PPP6C: variants seen among roughly 807,000 people sequenced by gnomAD.
The protein encoded by PPP6C is protein phosphatase 6 catalytic subunit.
A neutral mutation model predicts 39.8 loss-of-function variants in PPP6C; 11 were observed. The ratio of observed to expected loss-of-function variants is 0.28; its 90% CI spans 0.17 to 0.46. The LOEUF is 0.46. PPP6C is among the 20% of genes least tolerant of loss of function. The probability of loss-of-function intolerance (pLI) is 1.00; values close to 1 mark genes in which losing one functional copy is unlikely to be tolerated. For missense variants in PPP6C, 211 were observed against 373.9 expected (o/e 0.56, Z 3.59); for synonymous variants, 129 against 130.3 (o/e 0.99, Z 0.07).
rs1461320712 is a variant in PPP6C, at chr9:125,147,544, A to C, written c.*2129T>G. 6.6e-6 allele frequency: 1 copy of C among 152,216 alleles called. No homozygotes were observed. Among genetic ancestry groups the C allele is most frequent in the Non-Finnish European group, 1.5e-5 (1 of 68,012 alleles). The allele number at this position is 152,216 out of a possible 1,614,324, so 9.4% of individuals were successfully genotyped here. On this transcript the variant is annotated 3_prime_UTR_variant, in exon 7 of 7. Coordinates refer to ENST00000373547, the MANE Select transcript of PPP6C (RefSeq NM_002721.5). ...TAAAAACTATTTTTTCCATGCAAAA[A>C]GCCATTATTCAGTTGAAGAGAAATC...
chr9:125,156,342 C>T (rs1402351988), intron 4 of PPP6C, among the ~76,000 whole-genome samples: 6 of 152,034 alleles, frequency 3.9e-5, no homozygotes, highest in Non-Finnish European at 7.4e-5. Context: ...GGTGCAATCT[C>T]GGCTCACTGC....
chr9:125,158,113 G>C, intron 4 of PPP6C, 128 bp downstream of exon 4: 1 of 930,676 alleles, frequency 1.1e-6, no homozygotes, highest in Admixed American at 2.5e-5. Flanking sequence ...TCAATTGTTT[G>C]GGAGGAGTGA....
intron 2 of PPP6C, among the ~76,000 whole-genome samples, chr9:125,166,901 T>C (rs1465201603): frequency 6.6e-6 from 1 of 151,722 alleles, no homozygotes. Context: ...TCACACAGAC[T>C]TTTTTCTTTT....
intron 2 of PPP6C, among the ~76,000 whole-genome samples, chr9:125,161,290 A>C (rs1408626254): frequency 1.3e-5 from 2 of 152,130 alleles, no homozygotes; most frequent in African/African-American, 2.4e-5. Flanking sequence ...ACAAGTGGAT[A>C]CCTCTTTTTC....
At chr9:125,183,302 A>G (rs950590705) in intron 1 of PPP6C, among the ~76,000 whole-genome samples, 33 of 152,192 alleles carry the variant, frequency 2.2e-4, no homozygotes, top group African/African-American at 7.7e-4. Flanking sequence ...AACATTTCAA[A>G]AGCCTACTGT....
intron 1 of PPP6C, among the ~76,000 whole-genome samples, chr9:125,182,742 T>G (rs1161261448): frequency 6.7e-6 from 1 of 148,282 alleles, no homozygotes; most frequent in Non-Finnish European, 1.5e-5. Context: ...ATCTCCGACA[T>G]CTACGCCTAC....
In PPP6C at chr9:125,158,299, A is replaced by C; in HGVS notation, c.321T>G (p.Ile107Met). ...TCTCATGATTTCCTCGCAAAAGTGT[A>C]ATACGATCAGGCCATTTAGCCTTTA... Reference protein sequence around the residue: ...LALKAKWPDRITLLRGNHESR... With the variant: ...LALKAKWPDRMTLLRGNHESR... The change falls in exon 4 of 7, where the codon ATT (isoleucine) becomes ATG (methionine). Residue 107 changes from isoleucine (I) to methionine (M), a missense_variant. Ile to Met is a conservative substitution (Grantham distance 10). Transcript: ENST00000373547. 2 of 1,611,814 alleles carry C rather than the reference A, an allele frequency of 1.2e-6. No homozygotes were observed. Among genetic ancestry groups the C allele is most frequent in the Non-Finnish European group, 1.7e-6 (2 of 1,177,902 alleles).
intron 2 of PPP6C, among the ~76,000 whole-genome samples, chr9:125,165,592 T>C (rs180750354): frequency 1.3e-4 from 20 of 152,194 alleles, no homozygotes; most frequent in African/African-American, 4.3e-4. Flanking sequence ...ACTCAGTCTG[T>C]TGGGAATATA....
chr9:125,182,802 C>T (rs1829445960), intron 1 of PPP6C, among the ~76,000 whole-genome samples: 1 of 149,988 alleles, frequency 6.7e-6, no homozygotes. Context: ...GCTGTGACAA[C>T]CAAAAATGTC....
intron 1 of PPP6C, among the ~76,000 whole-genome samples, chr9:125,176,809 A>C (rs1296323221): frequency 6.6e-6 from 1 of 152,180 alleles, no homozygotes; most frequent in African/African-American, 2.4e-5. Context: ...GGGTAGTAGA[A>C]GTAGAAAATA....
intron 2 of PPP6C, among the ~76,000 whole-genome samples, chr9:125,164,716 T>A (rs1828975262): frequency 6.6e-6 from 1 of 151,952 alleles, no homozygotes; most frequent in Non-Finnish European, 1.5e-5. Context: ...GAACTACATA[T>A]ATGTACCACT....
intron 1 of PPP6C, among the ~76,000 whole-genome samples, chr9:125,186,616 G>C (rs1829535120): frequency 6.6e-6 from 1 of 151,676 alleles, no homozygotes; most frequent in African/African-American, 2.4e-5. Flanking sequence ...TGGTCATGGG[G>C]GCATGTGCCT....
chr9:125,161,816 A>G (rs2131312156), intron 2 of PPP6C, among the ~76,000 whole-genome samples: 1 of 152,328 alleles, frequency 6.6e-6, no homozygotes, highest in Admixed American at 6.5e-5. Context: ...CTAGATTATT[A>G]CCCTAGCCCT....
intron 6 of PPP6C, among the ~76,000 whole-genome samples, 155 bp downstream of exon 6, chr9:125,153,378 A>C (rs1296709506): frequency 6.6e-6 from 1 of 152,240 alleles, no homozygotes; most frequent in South Asian, 2.1e-4. Context: ...CCATTAAAGA[A>C]AGACATACGT....
intron 6 of PPP6C, chr9:125,150,954 G>A: frequency 8.2e-7 from 1 of 1,221,036 alleles, no homozygotes; most frequent in Non-Finnish European, 1.2e-6. Flanking sequence ...TAAAGAGTCA[G>A]GTGACAATCT....
chr9:125,156,894 C>A (rs1268169345), intron 4 of PPP6C, among the ~76,000 whole-genome samples: 1 of 151,992 alleles, frequency 6.6e-6, no homozygotes, highest in African/African-American at 2.4e-5. Context: ...CTCACTGCAA[C>A]CTCCACCTCC....
intron 1 of PPP6C, among the ~76,000 whole-genome samples, chr9:125,180,142 C>T (rs1829391603): frequency 6.6e-6 from 1 of 152,112 alleles, no homozygotes; most frequent in South Asian, 2.1e-4. Flanking sequence ...CTCCCCTCAT[C>T]CCCATACCAA....
At chr9:125,150,446 TTTAA>T (rs1442026002) in intron 6 of PPP6C, among the ~76,000 whole-genome samples, 1 of 101,094 alleles carries the variant, frequency 9.9e-6, no homozygotes, top group Non-Finnish European at 2.3e-5. Flanking sequence ...GTGTGTGTGT[TTTAA>T]TTGAAAACAG....
chr9:125,171,031 C>A, intron 2 of PPP6C, 54 bp downstream of exon 2: 1 of 1,178,686 alleles, frequency 8.5e-7, no homozygotes, highest in Non-Finnish European at 1.2e-6. Context: ...CATGTGAAAA[C>A]ACACATGGAT....
Sources: gnomAD v4.1 joint callset for allele counts (sites outside exome capture counted in the v4.1 genomes callset) on GRCh38, gnomAD v4.1.1 for gene constraint, MANE v1.5 for transcripts, NCBI Gene and HGNC (gene_info 2026-07-23, HGNC 2026-07-21) for gene names.